ENDOD1: variants seen among roughly 807,000 people sequenced by gnomAD.
ENDOD1 encodes endonuclease domain containing 1, also known as endonuclease domain-containing 1 protein.
A neutral mutation model predicts 6.5 loss-of-function variants in ENDOD1; 9 were observed. The ratio of observed to expected loss-of-function variants is 1.39; its 90% CI spans 0.84 to 2.43. The LOEUF is 2.43. Ranked by LOEUF, ENDOD1 falls within the 30% of genes most tolerant of loss-of-function variation. ENDOD1 has a pLI of 0.00. For synonymous variants in ENDOD1, 255 were observed against 255.2 expected, an observed-to-expected ratio of 1.00 and a Z score of 0.01; for missense variants, 648 against 635.5, an observed-to-expected ratio of 1.02 and a Z score of -0.21.
At chr11:95,101,740 T>C (rs550669063) in intron 1 of ENDOD1, among the ~76,000 whole-genome samples, 2 of 152,206 alleles carry the variant, frequency 1.3e-5, no homozygotes, top group Non-Finnish European at 2.9e-5. Flanking sequence ...CTTTGAACTC[T>C]ATGAGGCCAC....
At chr11:95,099,895 C>G (rs1035142629) in intron 1 of ENDOD1, among the ~76,000 whole-genome samples, 2 of 152,056 alleles carry the variant, frequency 1.3e-5, no homozygotes, top group Admixed American at 6.6e-5. Flanking sequence ...TTAAATGGAC[C>G]AGGATGCATG....
chr11:95,109,419 C>T (rs782701650), intron 1 of ENDOD1, among the ~76,000 whole-genome samples: 2 of 152,218 alleles, frequency 1.3e-5, no homozygotes, highest in African/African-American at 2.4e-5. Flanking sequence ...TTATGTGCAT[C>T]AGAAGATTGT....
intron 1 of ENDOD1, among the ~76,000 whole-genome samples, chr11:95,121,186 A>C (rs1000593278): frequency 6.6e-6 from 1 of 151,900 alleles, no homozygotes. Flanking sequence ...TTGTGTAGAT[A>C]GTTATTAAAT....
rs558951314 is a variant in ENDOD1 at position 95,095,154 on chromosome 11, T to G, written c.300+4927T>G. On this transcript the variant is annotated intron_variant, in intron 1 of 1. Transcript: ENST00000278505. ...GTAAAATATCTATCCATGTATCTTC[T>G]CAAATGCTTGGTGTATGTCCCACAT... Among the ~76,000 whole-genome samples the G allele has an allele frequency of 8.8e-4, 134 of 152,362 alleles. 1 individual carries two copies. The highest frequency in any genetic ancestry group is 3.2e-3 in the African/African-American group (131 of 41,578).
intron 1 of ENDOD1, among the ~76,000 whole-genome samples, chr11:95,127,853 C>T (rs949661094): frequency 5.9e-5 from 9 of 152,138 alleles, no homozygotes; most frequent in African/African-American, 9.6e-5. Flanking sequence ...TCTGCCTCCC[C>T]GGTTCAAGTG....
chr11:95,130,491 A>G lies in ENDOD1; in HGVS notation c.*912A>G, dbSNP rs566457792. On this transcript the variant is annotated 3_prime_UTR_variant, in exon 2 of 2. Coordinates refer to ENST00000278505, the MANE Select transcript of ENDOD1 (RefSeq NM_015036.3). ...TCCCTGCCTGACAAGGTTGAACTGA[A>G]AGATCTATATGTTAAGCTAACATGA... 6.6e-6 allele frequency: 1 copy of G among 152,298 alleles called. No homozygotes were observed. Among genetic ancestry groups the G allele is most frequent in the East Asian group, 1.9e-4 (1 of 5,190 alleles). The allele number at this position is 152,298 out of a possible 1,614,324, so 9.4% of individuals were successfully genotyped here.
rs879001765 is a variant in ENDOD1 at position 95,129,216 on chromosome 11, C to T, written c.1140C>T (p.Gly380=). 1.2e-6 allele frequency: 2 copies of T among 1,614,060 alleles called. No individual in the cohort carries two copies. The highest frequency in any genetic ancestry group is 1.7e-6 in the Non-Finnish European group (2 of 1,180,044). The change falls in exon 2 of 2, where the codon GGC becomes GGT. Residue 380 remains glycine (G), a synonymous_variant. Transcript: ENST00000278505. ...TAGAAAGTTGCCTTTACCGCCTGGG[C>T]TCAGCCACCATCTCATACTTCATGG... ...NGIESCLYRL[G]SATISYFMAI...
chr11:95,109,357 T>C (rs1246437456), intron 1 of ENDOD1, among the ~76,000 whole-genome samples: 1 of 152,212 alleles, frequency 6.6e-6, no homozygotes, highest in Non-Finnish European at 1.5e-5. Context: ...AGGAGCAGAA[T>C]TAGAGGAGAG....
At chr11:95,115,774 G>A (rs1028796942) in intron 1 of ENDOD1, among the ~76,000 whole-genome samples, 4 of 152,018 alleles carry the variant, frequency 2.6e-5, no homozygotes, top group African/African-American at 9.7e-5. Flanking sequence ...TCATTCTGTT[G>A]ATATGATGTG....
chr11:95,090,596 C>A (rs188980504), intron 1 of ENDOD1, among the ~76,000 whole-genome samples: 1 of 152,326 alleles, frequency 6.6e-6, no homozygotes, highest in Admixed American at 6.5e-5. Flanking sequence ...CCGCAGAAAG[C>A]CTAGGCTGGG....
chr11:95,120,890 T>A (rs959216989), intron 1 of ENDOD1, among the ~76,000 whole-genome samples: 10 of 152,194 alleles, frequency 6.6e-5, no homozygotes, highest in Admixed American at 2.6e-4. Flanking sequence ...TTTAATGCTC[T>A]CCCTCCGTGG....
At chr11:95,100,381 C>T (rs1326137089) in intron 1 of ENDOD1, among the ~76,000 whole-genome samples, 3 of 152,212 alleles carry the variant, frequency 2.0e-5, no homozygotes, top group Admixed American at 2.0e-4. Context: ...TCGTGCTCTA[C>T]ACAGCTCCTT....
At chr11:95,110,176 C>T (rs1416387435) in intron 1 of ENDOD1, among the ~76,000 whole-genome samples, 1 of 152,230 alleles carries the variant, frequency 6.6e-6, no homozygotes, top group Non-Finnish European at 1.5e-5. Flanking sequence ...CCCCTGGCCA[C>T]CATGGCAGAG....
intron 1 of ENDOD1, among the ~76,000 whole-genome samples, chr11:95,108,772 C>T (rs1160893863): frequency 2.6e-5 from 4 of 152,142 alleles, no homozygotes; most frequent in African/African-American, 7.2e-5. Context: ...GGCAGCAGCT[C>T]CTTCCCTCGC....
At chr11:95,109,682 C>T (rs887375626) in intron 1 of ENDOD1, among the ~76,000 whole-genome samples, 13 of 152,402 alleles carry the variant, frequency 8.5e-5, no homozygotes, top group African/African-American at 2.9e-4. Flanking sequence ...TCTCCACTCA[C>T]ACCAGTTGCC....
intron 1 of ENDOD1, among the ~76,000 whole-genome samples, chr11:95,101,002 G>A (rs532447820): frequency 1.3e-4 from 20 of 150,958 alleles, no homozygotes; most frequent in African/African-American, 3.2e-4. Flanking sequence ...GACTAATTGA[G>A]TGGCACCCAA....
At chr11:95,095,212 A>C (rs1858972099) in intron 1 of ENDOD1, among the ~76,000 whole-genome samples, 1 of 152,264 alleles carries the variant, frequency 6.6e-6, no homozygotes, top group Non-Finnish European at 1.5e-5. Flanking sequence ...ATGCATGATG[A>C]GAGATGAAAT....
chr11:95,103,098 T>TGG lies in ENDOD1; in HGVS notation c.300+12873_300+12874dup, dbSNP rs5793712. On this transcript the variant is annotated intron_variant, in intron 1 of 1. Transcript: ENST00000278505. The stretch of plus-strand genomic sequence containing the variant: ...GAGGAAGCTAAGGAACTAGGCAGAG[T>TGG]GGGTGTGTGTGTGTGTGTGTGTGTG... 8.7e-3 allele frequency among the ~76,000 whole-genome samples: 1,191 copies of TGG among 137,666 alleles called. 16 individuals carry two copies. Among genetic ancestry groups the TGG allele is most frequent in the African/African-American group, 0.03 (1,066 of 34,992 alleles). The allele number at this position is 137,666 out of a possible 152,430, so 90.3% of individuals were successfully genotyped here. A position where few individuals can be genotyped will look rare whatever the true frequency, so the allele number is the denominator to read the frequency against.
chr11:95,129,508 T>G lies in ENDOD1; in HGVS notation c.1432T>G (p.Phe478Val). 1 of 1,614,224 alleles carries G rather than the reference T, an allele frequency of 6.2e-7. No homozygotes were observed. Among genetic ancestry groups the G allele is most frequent in the Non-Finnish European group, 8.5e-7 (1 of 1,180,034 alleles). The change falls in exon 2 of 2, where the codon TTT becomes GTT. Residue 478 changes from phenylalanine to valine, a missense_variant. Physicochemically the swap from Phe to Val is conservative, Grantham distance 50 (BLOSUM62 -1). Transcript: ENST00000278505. ...TGCTTTTGGTACCCTGGGTGGCCTATTTCAGGTGGTTTTTAGTGTCTGCAA... is the reference window on the plus strand; with the variant it reads ...TGCTTTTGGTACCCTGGGTGGCCTAGTTCAGGTGGTTTTTAGTGTCTGCAA... ...DTAFGTLGGL[F>V]QVVFSVCKRI...
Sources: allele counts gnomAD v4.1 joint callset (sites outside exome capture counted in the v4.1 genomes callset), GRCh38; gene constraint gnomAD v4.1.1; transcripts MANE v1.5; gene names NCBI Gene and HGNC (gene_info 2026-07-23, HGNC 2026-07-21).